Variants in CCDC171 observed in about 807,000 individuals in gnomAD.
CCDC171 encodes coiled-coil domain-containing protein 171.
Under a neutral mutation model 168.2 loss-of-function variants are expected in CCDC171, and 177 were observed. That is an observed-to-expected ratio of 1.05 (90% confidence interval 0.93 to 1.19). The LOEUF (loss-of-function observed/expected upper bound fraction) is 1.19. Ranked by LOEUF, CCDC171 falls within the 50% of genes most tolerant of loss-of-function variation. The pLI is 0.00. For synonymous variants in CCDC171, 687 were observed against 540.8 expected (o/e 1.27, Z -3.75); for missense variants, 1,991 against 1,539.0 (o/e 1.29, Z -4.91).
chr9:15,744,230 T>G (rs771673620), intron 16 of CCDC171, 43 bp from the exon 17 acceptor site: 10 of 1,469,190 alleles, frequency 6.8e-6, no homozygotes, highest in Non-Finnish European at 9.1e-6. Context: ...ATATAATGCC[T>G]GTTTGTTTCA....
chr9:15,678,933 T>C, intron 10 of CCDC171, 37 bp downstream of exon 10: 1 of 1,434,718 alleles, frequency 7.0e-7, no homozygotes, highest in Non-Finnish European at 9.5e-7. Context: ...GAAATCACTT[T>C]ATTAGGTCAT....
chr9:16,001,029 G>T (rs534691412), intron 3 of CCDC171, among the ~76,000 whole-genome samples: 2 of 152,228 alleles, frequency 1.3e-5, no homozygotes, highest in East Asian at 3.9e-4. Flanking sequence ...CTGATTCACA[G>T]TAACCAAACT....
chr9:15,850,557 T>G (rs1318342860), intron 23 of CCDC171, among the ~76,000 whole-genome samples: 1 of 152,070 alleles, frequency 6.6e-6, no homozygotes, highest in African/African-American at 2.4e-5. Flanking sequence ...GATTTATGTC[T>G]TTAGAAAATT....
chr9:16,049,309 T>C (rs1438987254), intron 1 of CCDC171, among the ~76,000 whole-genome samples: 1 of 152,200 alleles, frequency 6.6e-6, no homozygotes, highest in African/African-American at 2.4e-5. Context: ...GACTTAATTT[T>C]AGGTGTCAAT....
At chr9:16,033,301 A>C (rs1354149210) in intron 6 of CCDC171, among the ~76,000 whole-genome samples, 1 of 152,224 alleles carries the variant, frequency 6.6e-6, no homozygotes, top group African/African-American at 2.4e-5. Context: ...GCTGCACAAC[A>C]GGAGGTGAGT....
At chr9:15,781,491 C>T (rs1327552134) in intron 20 of CCDC171, among the ~76,000 whole-genome samples, 4 of 152,254 alleles carry the variant, frequency 2.6e-5, no homozygotes, top group African/African-American at 9.6e-5. Flanking sequence ...GATCTCAGCT[C>T]ACTGCAGCCT....
chr9:16,068,679 CA>C, the CCDC171 span, among the ~76,000 whole-genome samples: 3 of 152,032 alleles, frequency 2.0e-5, no homozygotes, highest in Admixed American at 2.0e-4. Context: ...ACGTAAATCA[CA>C]GTGCCTGGCA....
intron 25 of CCDC171, among the ~76,000 whole-genome samples, chr9:15,941,659 A>C (rs1383861318): frequency 6.6e-6 from 1 of 151,990 alleles, no homozygotes; most frequent in Non-Finnish European, 1.5e-5. Flanking sequence ...TTGGCTGTAC[A>C]TTTATTGAAA....
intron 11 of CCDC171, among the ~76,000 whole-genome samples, chr9:15,720,509 G>A (rs1269088937): frequency 6.6e-6 from 1 of 152,032 alleles, no homozygotes; most frequent in Non-Finnish European, 1.5e-5. Flanking sequence ...TATGAATGCT[G>A]CTCTTAAAAT....
chr9:15,863,384 T>A (rs1188036498), intron 23 of CCDC171, among the ~76,000 whole-genome samples: 1 of 152,022 alleles, frequency 6.6e-6, no homozygotes, highest in Non-Finnish European at 1.5e-5. Context: ...TGCCATTGCA[T>A]CAGTGTGTCC....
intron 20 of CCDC171, among the ~76,000 whole-genome samples, chr9:15,782,536 A>C (rs2057719764): frequency 1.3e-5 from 2 of 152,206 alleles, no homozygotes; most frequent in African/African-American, 4.8e-5. Flanking sequence ...CTGTTAAAAC[A>C]AGGAAGTCCT....
intron 6 of CCDC171, among the ~76,000 whole-genome samples, chr9:15,618,543 C>G (rs754844747): frequency 1.4e-4 from 22 of 152,298 alleles, no homozygotes; most frequent in South Asian, 6.2e-4. Context: ...TCCTTTCTCA[C>G]TGGAGTTCCA....
chr9:15,587,507 C>G (rs1010028046), intron 4 of CCDC171: 3 of 377,160 alleles, frequency 8.0e-6, no homozygotes, highest in Admixed American at 3.1e-5. Context: ...GTCCAATAAA[C>G]CTCTTTCTTT....
chr9:16,086,063 C>T, the CCDC171 span, among the ~76,000 whole-genome samples: 3 of 152,058 alleles, frequency 2.0e-5, no homozygotes, highest in Non-Finnish European at 4.4e-5. Context: ...GGCTCACCGG[C>T]TGTGAGTCCG....
intron 7 of CCDC171, among the ~76,000 whole-genome samples, chr9:15,651,468 A>T (rs537040624): frequency 6.6e-5 from 10 of 151,572 alleles, no homozygotes; most frequent in African/African-American, 2.4e-4. Flanking sequence ...TTTTGCTCAG[A>T]CTGGTCTTGA....
In CCDC171 at chr9:15,569,158, T is replaced by A. The variant is rs117327020; in HGVS notation, c.42-2466T>A. Among the ~76,000 whole-genome samples, 254 of 152,390 alleles carry A rather than the reference T, an allele frequency of 1.7e-3. 2 individuals are homozygous for A. The highest frequency in any genetic ancestry group is 3.1e-3 in the Non-Finnish European group (211 of 68,036). On this transcript the variant is annotated intron_variant, in intron 2 of 25. Coordinates refer to ENST00000380701, the MANE Select transcript of CCDC171 (RefSeq NM_173550.4). ...GGGCTCTTTTAATAGGCCTTTTCGG[T>A]TTGAAACTTATATCCTTCGGAATCC...
At chr9:15,814,312 G>A (rs144686914) in intron 21 of CCDC171, among the ~76,000 whole-genome samples, 15 of 152,156 alleles carry the variant, frequency 9.9e-5, no homozygotes, top group African/African-American at 3.1e-4. Flanking sequence ...TTGACTTGGT[G>A]TATATTTCAT....
chr9:15,624,655 T>A (rs1413377161), intron 7 of CCDC171, among the ~76,000 whole-genome samples: 2 of 152,242 alleles, frequency 1.3e-5, no homozygotes, highest in African/African-American at 4.8e-5. Context: ...TCATTTTTTA[T>A]GGCTGCATAG....
intron 11 of CCDC171, among the ~76,000 whole-genome samples, chr9:15,708,173 G>A (rs917104314): frequency 7.2e-5 from 11 of 152,192 alleles, no homozygotes; most frequent in South Asian, 2.1e-4. Context: ...GCATTTCTTC[G>A]TGCCTATGTT....
Sources: allele counts gnomAD v4.1 joint callset (sites outside exome capture counted in the v4.1 genomes callset), GRCh38; gene constraint gnomAD v4.1.1; transcripts MANE v1.5; gene names NCBI Gene and HGNC (gene_info 2026-07-23, HGNC 2026-07-21).